Variants in ASTN2 observed in about 807,000 individuals in gnomAD.
The protein encoded by ASTN2 is astrotactin-2.
A neutral mutation model predicts 139.8 loss-of-function variants in ASTN2; 54 were observed. That is an observed-to-expected ratio of 0.39 (90% CI 0.31 to 0.48). The LOEUF is 0.48. Among genes scored for constraint, ASTN2 ranks in the 20% least tolerant of loss-of-function variants. The probability of loss-of-function intolerance (pLI) is 0.95; values close to 1 mark genes in which losing one functional copy is unlikely to be tolerated. For synonymous variants in ASTN2, 756 were observed against 719.5 expected, an observed-to-expected ratio of 1.05 and a Z score of -0.81; for missense variants, 1,565 against 1,725.1, an observed-to-expected ratio of 0.91 and a Z score of 1.64.
Position 116,699,492 on chromosome 9 carries a change from G to T in ASTN2, c.2806+26279C>A. The stretch of plus-strand genomic sequence containing the variant: ...CCGCTGCATTGCTGGCATGTGTGTG[G>T]ATGCTCGTGGTGATCTCATCGTGGC... On this transcript the variant is annotated intron_variant, in intron 16 of 22. Transcript: ENST00000313400. The surrounding 1 kb of genome is among the most constrained non-coding windows in gnomAD (Gnocchi z 4.2). 1 of 1,614,200 alleles carries T rather than the reference G, an allele frequency of 6.2e-7. No individual in the cohort carries two copies. Among genetic ancestry groups the T allele is most frequent in the Middle Eastern group, 1.6e-4 (1 of 6,062 alleles).
chr9:117,404,552 ATGTG>A (rs1159578132), intron 1 of ASTN2, among the ~76,000 whole-genome samples: 1 of 152,244 alleles, frequency 6.6e-6, no homozygotes, highest in East Asian at 1.9e-4. Flanking sequence ...TATATTACGT[ATGTG>A]TGTGTATGTA....
chr9:117,037,955 A>C (rs1838438304), intron 6 of ASTN2, among the ~76,000 whole-genome samples: 1 of 152,184 alleles, frequency 6.6e-6, no homozygotes. Flanking sequence ...TTATGTGCAC[A>C]TATGACTCAC....
rs1054862214 is a variant in ASTN2, at chr9:116,434,475, G to A, written c.3782+6134C>T. ...TGTGTAACTCTTTTCAAATCCCATGGCACGTTGAGAAAGATCCTGTGATGA... is the reference window on the plus strand; with the variant it reads ...TGTGTAACTCTTTTCAAATCCCATGACACGTTGAGAAAGATCCTGTGATGA... On this transcript the variant is annotated intron_variant, in intron 22 of 22. Coordinates refer to ENST00000313400, the MANE Select transcript of ASTN2 (RefSeq NM_001365068.1). Among the ~76,000 whole-genome samples, 11 of 152,150 alleles carry A rather than the reference G, an allele frequency of 7.2e-5. No homozygotes were observed. In the South Asian group the frequency reaches 8.3e-4, roughly 11 times the overall value.
At chr9:116,644,145 G>C (rs1359779490) in intron 17 of ASTN2, among the ~76,000 whole-genome samples, 1 of 152,138 alleles carries the variant, frequency 6.6e-6, no homozygotes, top group Non-Finnish European at 1.5e-5. Context: ...GGTAATAACT[G>C]GGGGAGGGGG....
chr9:117,325,954 G>C (rs983739780), intron 1 of ASTN2, among the ~76,000 whole-genome samples: 2 of 152,122 alleles, frequency 1.3e-5, no homozygotes, highest in African/African-American at 2.4e-5. Flanking sequence ...GATGACAAAT[G>C]ACAACTGACA....
At chr9:116,727,629 G>A (rs1828666591) in intron 15 of ASTN2, among the ~76,000 whole-genome samples, 1 of 152,122 alleles carries the variant, frequency 6.6e-6, no homozygotes, top group Non-Finnish European at 1.5e-5. Flanking sequence ...ATACAGTAGT[G>A]TTAATAACGA....
intron 5 of ASTN2, among the ~76,000 whole-genome samples, chr9:117,047,102 G>A (rs903796092): frequency 6.6e-5 from 10 of 152,282 alleles, no homozygotes; most frequent in Non-Finnish European, 1.2e-4. Context: ...CTGAGCTCTG[G>A]TGTCTCTGCT....
At chr9:117,355,483 G>C (rs966565475) in intron 1 of ASTN2, among the ~76,000 whole-genome samples, 1 of 152,156 alleles carries the variant, frequency 6.6e-6, no homozygotes, top group Non-Finnish European at 1.5e-5. Context: ...GGAGTGCAGA[G>C]AGAGGACATG....
At chr9:116,798,269 C>CCAGA (rs1039947688) in intron 13 of ASTN2, among the ~76,000 whole-genome samples, 1 of 152,154 alleles carries the variant, frequency 6.6e-6, no homozygotes, top group Non-Finnish European at 1.5e-5. Flanking sequence ...AGGTTCTGTC[C>CCAGA]CAGACAGACA....
At chr9:117,160,938 T>TAC (rs150471064) in intron 3 of ASTN2, among the ~76,000 whole-genome samples, 113 of 150,594 alleles carry the variant, frequency 7.5e-4, no homozygotes, top group Admixed American at 1.7e-3. Context: ...AATTATAAAG[T>TAC]ACACACACAC....
intron 1 of ASTN2, among the ~76,000 whole-genome samples, chr9:117,314,164 T>C (rs1183946779): frequency 1.3e-5 from 2 of 152,172 alleles, no homozygotes; most frequent in African/African-American, 2.4e-5. Flanking sequence ...ATTGTTTTCA[T>C]AAAACACTGC....
intron 2 of ASTN2, among the ~76,000 whole-genome samples, chr9:117,246,574 C>T (rs1833389020): frequency 6.6e-6 from 1 of 152,198 alleles, no homozygotes; most frequent in Admixed American, 6.5e-5. Flanking sequence ...ATTGTCCATT[C>T]AATAACTTCC....
chr9:117,081,199 T>G (rs1445450557), intron 5 of ASTN2, among the ~76,000 whole-genome samples: 1 of 152,180 alleles, frequency 6.6e-6, no homozygotes, highest in Non-Finnish European at 1.5e-5. Flanking sequence ...GTTACAAATC[T>G]CCCCTGAATC....
rs1038609810 is a variant in ASTN2, at chr9:116,666,691, T to C, written c.2807-14898A>G. ...AATGTTTTTCTGAGAAAAGGGGTTA[T>C]AGTCTTCAACATTCTACAAAAGGAG... On this transcript the variant is annotated intron_variant, in intron 16 of 22. Coordinates refer to ENST00000313400, the MANE Select transcript of ASTN2 (RefSeq NM_001365068.1). Among the ~76,000 whole-genome samples the C allele has an allele frequency of 3.9e-5, 6 of 152,062 alleles. No homozygotes were observed. The East Asian group carries it at 1.2e-3, about 29-fold the overall frequency.
At chr9:117,361,517 G>T (rs4837140) in intron 1 of ASTN2, among the ~76,000 whole-genome samples, 128,928 of 152,064 alleles carry the variant, frequency 0.85, 54,926 homozygotes, top group East Asian at 1. Flanking sequence ...AAACTGCATA[G>T]GTTGAATACC....
chr9:116,907,943 C>G (rs988966402), intron 10 of ASTN2, among the ~76,000 whole-genome samples: 39 of 152,196 alleles, frequency 2.6e-4, no homozygotes, highest in East Asian at 3.9e-4. Flanking sequence ...GGCAACCACA[C>G]CCAACAGTAA....
Position 117,331,851 on chromosome 9 carries a change from G to T in ASTN2, c.443-40338C>A, listed in dbSNP as rs967346462. Among the ~76,000 whole-genome samples, 4 of 152,186 alleles carry T rather than the reference G, an allele frequency of 2.6e-5. No individual in the cohort carries two copies. The East Asian group carries it at 7.8e-4, about 30-fold the overall frequency. On this transcript the variant is annotated intron_variant, in intron 1 of 22. Coordinates refer to ENST00000313400, the MANE Select transcript of ASTN2 (RefSeq NM_001365068.1). ...GGGTCTCATCTCCCTTTTAAAATTG[G>T]AATGCAGAAAGATAATTACCTTCCT...
Position 117,414,712 on chromosome 9 carries a change from A to G in ASTN2, c.227T>C (p.Leu76Pro), listed in dbSNP as rs1831279169. The change falls in exon 1 of 23, where the codon CTG (leucine) becomes CCG (proline). Residue 76 changes from leucine to proline, a missense_variant. By Grantham distance (98) the Leu-to-Pro change is moderately conservative. Transcript: ENST00000313400. The surrounding 1 kb of genome is among the most constrained non-coding windows in gnomAD (Gnocchi z 4.2). Reference sequence around the variant, plus strand: ...GCTCCAGCCGATGTCGCTCTCCCGCAGGGCGGGCAGTGTGGACACCGTGAC... The same window carrying G: ...GCTCCAGCCGATGTCGCTCTCCCGCGGGGCGGGCAGTGTGGACACCGTGAC... ...KTVTVSTLPA[L>P]RESDIGWSGA... The G allele has an allele frequency of 2.4e-6, 3 of 1,259,518 alleles. No homozygotes were observed. The highest frequency in any genetic ancestry group is 3.0e-6 in the Non-Finnish European group (3 of 1,003,372). 78.0% of individuals were successfully genotyped at this position (1,259,518 alleles called of 1,614,324 possible). A position where few individuals can be genotyped will look rare whatever the true frequency, so the allele number is the denominator to read the frequency against.
chr9:116,596,394 G>C (rs1564141412), intron 19 of ASTN2, among the ~76,000 whole-genome samples: 1 of 152,244 alleles, frequency 6.6e-6, no homozygotes, highest in African/African-American at 2.4e-5. Context: ...GGTATTGTGT[G>C]CTTTAAAATG....
Sources: allele counts gnomAD v4.1 joint callset (sites outside exome capture counted in the v4.1 genomes callset), GRCh38; gene constraint gnomAD v4.1.1; non-coding constraint Gnocchi (gnomAD v3.1); transcripts MANE v1.5; gene names NCBI Gene and HGNC (gene_info 2026-07-23, HGNC 2026-07-21).